The following CALN1 variants were observed in gnomAD, a reference collection of about 807,000 sequenced individuals.
The protein encoded by CALN1 is calneuron 1.
Under a neutral mutation model 30.6 loss-of-function variants are expected in CALN1, and 17 were observed. That is an observed-to-expected ratio of 0.56 (90% CI 0.38 to 0.83). CALN1 has a LOEUF of 0.83. Among genes scored for constraint, CALN1 ranks in the 40% least tolerant of loss-of-function variants. The pLI, the probability that CALN1 is intolerant of heterozygous loss-of-function variation, is 0.00. For synonymous variants in CALN1, 156 were observed against 131.4 expected, an observed-to-expected ratio of 1.19 and a Z score of -1.28; for missense variants, 291 against 354.9, an observed-to-expected ratio of 0.82 and a Z score of 1.45.
At chr7:71,933,218 C>A (rs577891589) in intron 5 of CALN1, among the ~76,000 whole-genome samples, 22 of 152,092 alleles carry the variant, frequency 1.4e-4, no homozygotes, top group African/African-American at 5.1e-4. Flanking sequence ...GACAAGATGG[C>A]GCCAGTTAAG....
intron 5 of CALN1, among the ~76,000 whole-genome samples, chr7:71,858,130 A>C (rs1791059906): frequency 6.6e-6 from 1 of 152,156 alleles, no homozygotes; most frequent in Non-Finnish European, 1.5e-5. Context: ...TAATTAAATC[A>C]TGGGGGTGGT....
intron 4 of CALN1, among the ~76,000 whole-genome samples, chr7:72,094,772 G>C (rs1315058820): frequency 6.6e-6 from 1 of 152,176 alleles, no homozygotes; most frequent in Non-Finnish European, 1.5e-5. Flanking sequence ...TCCCAAGCAA[G>C]TCTGAAGAAT....
chr7:71,912,623 A>G (rs1443963671), intron 5 of CALN1, among the ~76,000 whole-genome samples: 1 of 152,216 alleles, frequency 6.6e-6, no homozygotes, highest in Non-Finnish European at 1.5e-5. Context: ...CCCAGTAGAT[A>G]TAACTGAGTT....
At chr7:72,367,128 G>A (rs1803924538) in intron 2 of CALN1, among the ~76,000 whole-genome samples, 1 of 152,042 alleles carries the variant, frequency 6.6e-6, no homozygotes, top group South Asian at 2.1e-4. Context: ...ACAGGCAAAA[G>A]AAACCTATGT....
At chr7:72,040,759 T>C (rs763002220) in intron 4 of CALN1, among the ~76,000 whole-genome samples, 1 of 152,090 alleles carries the variant, frequency 6.6e-6, no homozygotes, top group African/African-American at 2.4e-5. Context: ...CCAACCAGCA[T>C]CTTGAGGTTG....
the CALN1 span, among the ~76,000 whole-genome samples, chr7:72,500,204 G>T: frequency 6.9e-6 from 1 of 145,062 alleles, no homozygotes; most frequent in Non-Finnish European, 1.5e-5. Flanking sequence ...GAGCCACCTC[G>T]CCCGGCCTCA....
At chr7:72,246,053 C>G in intron 3 of CALN1, among the ~76,000 whole-genome samples, 1 of 151,584 alleles carries the variant, frequency 6.6e-6, no homozygotes, top group Admixed American at 6.5e-5. Flanking sequence ...TTCCCTCTCT[C>G]TTCTCTAGTT....
intron 5 of CALN1, among the ~76,000 whole-genome samples, chr7:71,855,441 G>GT (rs1562843651): frequency 1.4e-5 from 2 of 140,938 alleles, no homozygotes; most frequent in Non-Finnish European, 3.3e-5. Context: ...AGGAGCCTTG[G>GT]TAAGTATCCC....
At chr7:72,219,069 C>T (rs993221474) in intron 3 of CALN1, among the ~76,000 whole-genome samples, 2 of 152,210 alleles carry the variant, frequency 1.3e-5, no homozygotes, top group African/African-American at 4.8e-5. Context: ...CAACTAACAA[C>T]ATGCATTTTT....
chr7:72,004,599 A>T (rs1320472977), intron 5 of CALN1, among the ~76,000 whole-genome samples: 1 of 152,172 alleles, frequency 6.6e-6, no homozygotes, highest in Non-Finnish European at 1.5e-5. Flanking sequence ...GAAAAGATAA[A>T]CTACACACTT....
the CALN1 span, among the ~76,000 whole-genome samples, chr7:72,476,877 T>A: frequency 4.9e-4 from 74 of 152,244 alleles, no homozygotes; most frequent in African/African-American, 1.6e-3. Flanking sequence ...AGAACGAATA[T>A]ATAAATGTGA....
intron 5 of CALN1, among the ~76,000 whole-genome samples, chr7:71,845,950 G>A (rs1216912434): frequency 6.6e-6 from 1 of 152,122 alleles, no homozygotes; most frequent in Non-Finnish European, 1.5e-5. Flanking sequence ...CTAGTAGGGA[G>A]GCTGAAGCAG....
intron 5 of CALN1, among the ~76,000 whole-genome samples, chr7:71,825,759 A>G (rs1185400798): frequency 2.0e-5 from 3 of 152,094 alleles, no homozygotes; most frequent in Non-Finnish European, 2.9e-5. Context: ...AGGGCTGGGC[A>G]TGGTGGCTCA....
the CALN1 span, among the ~76,000 whole-genome samples, chr7:72,484,498 T>C: frequency 2.0e-5 from 3 of 152,216 alleles, no homozygotes; most frequent in Non-Finnish European, 4.4e-5. Flanking sequence ...TCATCACCGC[T>C]AATCCTTTCA....
intron 3 of CALN1, among the ~76,000 whole-genome samples, chr7:72,224,642 G>A (rs893111758): frequency 6.6e-5 from 10 of 152,182 alleles, no homozygotes; most frequent in African/African-American, 2.4e-4. Flanking sequence ...TTAGCTGGGA[G>A]TGGTGGCCAG....
intron 5 of CALN1, among the ~76,000 whole-genome samples, chr7:71,914,030 C>T (rs574303609): frequency 6.6e-6 from 1 of 152,286 alleles, no homozygotes; most frequent in East Asian, 1.9e-4. Context: ...TTCTTTCACA[C>T]CATTTCTCCA....
chr7:72,283,776 G>C (rs1192983659), intron 2 of CALN1, among the ~76,000 whole-genome samples: 3 of 152,192 alleles, frequency 2.0e-5, no homozygotes, highest in Admixed American at 2.0e-4. Context: ...GGGATCAGGT[G>C]TGAGCAGCAA....
intron 1 of CALN1, among the ~76,000 whole-genome samples, chr7:72,432,897 G>C (rs1457140350): frequency 1.3e-5 from 2 of 152,166 alleles, no homozygotes; most frequent in Non-Finnish European, 1.5e-5. Flanking sequence ...AAACTAACTA[G>C]ATTTCCCTGC....
At chr7:72,373,765 G>A (rs1804385604) in intron 2 of CALN1, among the ~76,000 whole-genome samples, 1 of 152,158 alleles carries the variant, frequency 6.6e-6, no homozygotes, top group South Asian at 2.1e-4. Flanking sequence ...TATGGATTCA[G>A]TAAGCTCATA....
Sources: allele counts gnomAD v4.1 joint callset (sites outside exome capture counted in the v4.1 genomes callset), GRCh38; gene constraint gnomAD v4.1.1; transcripts MANE v1.5; gene names NCBI Gene and HGNC (gene_info 2026-07-23, HGNC 2026-07-21).